Variants in FNBP1 observed in about 807,000 individuals in gnomAD.
FNBP1 encodes formin binding protein 1, also known as formin-binding protein 1.
Under a neutral mutation model 90.6 loss-of-function variants are expected in FNBP1, and 26 were observed. The observed-to-expected ratio is 0.29, with a 90% CI of 0.21 to 0.40. FNBP1 has a LOEUF of 0.40. Among genes scored for constraint, FNBP1 ranks in the 10% least tolerant of loss-of-function variants. The pLI is 1.00. For missense variants in FNBP1, 635 were observed against 768.0 expected (o/e 0.83, Z 2.05); for synonymous variants, 260 against 265.2 (o/e 0.98, Z 0.19).
the FNBP1 span, among the ~76,000 whole-genome samples, chr9:130,049,177 C>A: frequency 6.6e-6 from 1 of 152,162 alleles, no homozygotes; most frequent in African/African-American, 2.4e-5. Flanking sequence ...TCGCTTGAGA[C>A]CAGGCATTCA....
intron 2 of FNBP1, among the ~76,000 whole-genome samples, chr9:129,985,258 G>T (rs1490776311): frequency 6.6e-6 from 1 of 151,722 alleles, no homozygotes; most frequent in Non-Finnish European, 1.5e-5. Flanking sequence ...ACAGGGCACT[G>T]GTGCGGCTCA....
At position 129,910,193 on chromosome 9, in the gene FNBP1, A is replaced by G. The variant is rs1337251653; in HGVS notation, c.1186-1194T>C. On this transcript the variant is annotated intron_variant, in intron 11 of 16. Coordinates refer to ENST00000446176, the MANE Select transcript of FNBP1 (RefSeq NM_015033.3). ...TGAGGCTATGTTCATAAAGAGAGAGAAATTTCGTGCTGGGCACGGTGGCTC... is the reference window on the plus strand; with the variant it reads ...TGAGGCTATGTTCATAAAGAGAGAGGAATTTCGTGCTGGGCACGGTGGCTC... The G allele has an allele frequency of 8.8e-6, 4 of 455,784 alleles. No homozygotes were observed. In the East Asian group the frequency reaches 2.8e-4, roughly 32 times the overall value. 28.2% of individuals were successfully genotyped at this position (455,784 alleles called of 1,614,324 possible).
At chr9:129,969,761 A>C (rs566642525) in intron 4 of FNBP1, among the ~76,000 whole-genome samples, 2 of 152,048 alleles carry the variant, frequency 1.3e-5, no homozygotes, top group Non-Finnish European at 2.9e-5. Context: ...ATTAAAAAAA[A>C]ATTTTTTTTT....
chr9:129,890,594 A>T lies in FNBP1; in HGVS notation c.1847-48T>A, dbSNP rs1412437727. ...AAGAGAAACTCTCTGTTAGAGAGGA[A>T]GGCGCGGGTTCCAGGCGGGCATTTT... On this transcript the variant is annotated intron_variant, in intron 16 of 16. Transcript: ENST00000446176. The surrounding 1 kb of genome is among the most constrained non-coding windows in gnomAD (Gnocchi z 5.8). 3 of 1,337,388 alleles carry T rather than the reference A, an allele frequency of 2.2e-6. No homozygotes were observed. The allele number at this position is 1,337,388 out of a possible 1,614,324, so 82.8% of individuals were successfully genotyped here.
chr9:129,942,449 C>A (rs2044468788), intron 6 of FNBP1, among the ~76,000 whole-genome samples: 1 of 152,182 alleles, frequency 6.6e-6, no homozygotes, highest in Non-Finnish European at 1.5e-5. Context: ...AGGCCCTGTG[C>A]TAATAGCTAT....
chr9:129,913,941 A>G (rs769723946), intron 11 of FNBP1, among the ~76,000 whole-genome samples: 92 of 151,780 alleles, frequency 6.1e-4, no homozygotes, highest in Admixed American at 2.2e-3. Flanking sequence ...GAGCAGCCTC[A>G]ACCTCCTGGG....
chr9:130,016,406 A>G (rs1477665197), intron 1 of FNBP1, among the ~76,000 whole-genome samples: 1 of 152,158 alleles, frequency 6.6e-6, no homozygotes, highest in African/African-American at 2.4e-5. Context: ...ATCCCCCACT[A>G]TCAGTCAAGA....
intron 6 of FNBP1, among the ~76,000 whole-genome samples, chr9:129,951,653 C>T (rs868781896): frequency 1.3e-5 from 2 of 151,842 alleles, no homozygotes; most frequent in Non-Finnish European, 2.9e-5. Flanking sequence ...CCATGTTGCC[C>T]AGGCTTGTCT....
chr9:130,003,914 A>G (rs1271443101), intron 1 of FNBP1, among the ~76,000 whole-genome samples: 1 of 55,720 alleles, frequency 1.8e-5, no homozygotes, highest in Non-Finnish European at 3.9e-5. Flanking sequence ...ACAGAGCGAG[A>G]CTCCGCCTCA....
chr9:129,923,990 G>A lies in FNBP1; in HGVS notation c.1024C>T (p.Pro342Ser). ...SLLTSPHQPP[P>S]PPPASASPSA... is the part of the protein sequence containing the mutation. ...GGTGAGGCAGAGGCAGGAGGGGGAG[G>A]GGGAGGCTGATGGGGGGATGTTAAA... Residue 342 changes from proline to serine, a missense_variant, in exon 10 of 17, where the codon CCT becomes TCT. Transcript: ENST00000446176. 2 of 1,522,572 alleles carry A rather than the reference G, an allele frequency of 1.3e-6. No individual in the cohort carries two copies. Among genetic ancestry groups the A allele is most frequent in the Non-Finnish European group, 1.8e-6 (2 of 1,137,850 alleles). 94.3% of individuals were successfully genotyped at this position (1,522,572 alleles called of 1,614,324 possible).
Position 129,889,281 on chromosome 9 carries a change from T to TA in FNBP1, c.*1257dup. On this transcript the variant is annotated 3_prime_UTR_variant, in exon 17 of 17. Transcript: ENST00000446176. Reference sequence around the variant, plus strand: ...ACGGGGTCTTTGGTGATGAAAGTGCTAACCTCGGCGGGGTGCGGTAGCTCA... The same window carrying TA: ...ACGGGGTCTTTGGTGATGAAAGTGCTAAACCTCGGCGGGGTGCGGTAGCTCA... 1 of 188,796 alleles carries TA rather than the reference T, an allele frequency of 5.3e-6. No homozygotes were observed. The highest frequency in any genetic ancestry group is 1.1e-5 in the Non-Finnish European group (1 of 89,488). The allele number at this position is 188,796 out of a possible 1,614,324, so 11.7% of individuals were successfully genotyped here. A position where few individuals can be genotyped will look rare whatever the true frequency, so the allele number is the denominator to read the frequency against.
At chr9:129,948,266 C>T (rs1376913910) in intron 6 of FNBP1, among the ~76,000 whole-genome samples, 1 of 151,754 alleles carries the variant, frequency 6.6e-6, no homozygotes, top group Non-Finnish European at 1.5e-5. Flanking sequence ...AAGGGAGAGA[C>T]CCTGTCTCAA....
chr9:129,995,524 T>C (rs977910570), intron 1 of FNBP1, among the ~76,000 whole-genome samples: 8 of 152,154 alleles, frequency 5.3e-5, no homozygotes, highest in Non-Finnish European at 2.9e-5. Flanking sequence ...TGAGTTTGCA[T>C]TGTGCCTTGG....
At chr9:129,970,225 T>A (rs959890392) in intron 4 of FNBP1, among the ~76,000 whole-genome samples, 1 of 144,326 alleles carries the variant, frequency 6.9e-6, no homozygotes, top group Non-Finnish European at 1.5e-5. Flanking sequence ...TTATTTTTTT[T>A]AGACTGAGTC....
rs1273383013 is a variant in FNBP1, at chr9:129,889,862, G to C, written c.*677C>G. 2 of 233,372 alleles carry C rather than the reference G, an allele frequency of 8.6e-6. No homozygotes were observed. The highest frequency in any genetic ancestry group is 1.2e-4 in the East Asian group (2 of 16,574). 14.5% of individuals were successfully genotyped at this position (233,372 alleles called of 1,614,324 possible). On this transcript the variant is annotated 3_prime_UTR_variant, in exon 17 of 17. Transcript: ENST00000446176. Reference sequence around the variant, plus strand: ...AAAACAGGGCGTCAAACCAAAATGTGTGTATGCGCACGCGTGTGTACTGGT... The same window carrying C: ...AAAACAGGGCGTCAAACCAAAATGTCTGTATGCGCACGCGTGTGTACTGGT...
Position 129,967,327 on chromosome 9 carries a change from C to T in FNBP1, c.346-8774G>A, listed in dbSNP as rs1247911488. ...GGACAGGACTCCGGGATCAGCCTGG[C>T]CAATATGGCAAAATCCCGTCTCTAT... On this transcript the variant is annotated intron_variant, in intron 4 of 16. Coordinates refer to ENST00000446176, the MANE Select transcript of FNBP1 (RefSeq NM_015033.3). 1.3e-5 allele frequency among the ~76,000 whole-genome samples: 2 copies of T among 152,112 alleles called. 1 individual carries two copies. The highest frequency in any genetic ancestry group is 1.3e-4 in the Admixed American group (2 of 15,262).
chr9:129,961,420 G>A (rs769961651), intron 4 of FNBP1, among the ~76,000 whole-genome samples: 9 of 152,124 alleles, frequency 5.9e-5, no homozygotes, highest in Non-Finnish European at 1.0e-4. Flanking sequence ...CAGTTTGGGA[G>A]TCTTCAGTAT....
At chr9:129,895,579 CAT>C (rs2131197870) in intron 16 of FNBP1, 1 of 1,238,476 alleles carries the variant, frequency 8.1e-7, no homozygotes, top group East Asian at 3.2e-5. Context: ...TTTTGAATGA[CAT>C]AGCTGTAAGT....
chr9:129,997,490 A>C (rs1385396568), intron 1 of FNBP1, among the ~76,000 whole-genome samples: 2 of 152,200 alleles, frequency 1.3e-5, no homozygotes, highest in Non-Finnish European at 2.9e-5. Context: ...TTATAAAGTC[A>C]AGGGTCATCA....
Sources: gnomAD v4.1 joint callset for allele counts (sites outside exome capture counted in the v4.1 genomes callset) on GRCh38, gnomAD v4.1.1 for gene constraint, Gnocchi (gnomAD v3.1) non-coding constraint, MANE v1.5 for transcripts, NCBI Gene and HGNC (gene_info 2026-07-23, HGNC 2026-07-21) for gene names.